The following CCDC7 variants were observed in gnomAD, a reference collection of about 807,000 sequenced individuals.
The protein encoded by CCDC7 is coiled-coil domain-containing protein 7.
In CCDC7, 183 loss-of-function variants were observed where a neutral mutation model predicts 196.9. The observed-to-expected ratio is 0.93, with a 90% CI of 0.82 to 1.05. CCDC7 has a LOEUF of 1.05. Among genes scored for constraint, CCDC7 ranks in the 50% least tolerant of loss-of-function variants. The probability of loss-of-function intolerance (pLI) is 0.00; values close to 1 mark genes in which losing one functional copy is unlikely to be tolerated. For missense variants in CCDC7, 1,540 were observed against 1,482.2 expected (o/e 1.04, Z -0.64); for synonymous variants, 525 against 484.6 (o/e 1.08, Z -1.10).
At chr10:32,597,423 A>C (rs61698001) in intron 18 of CCDC7, among the ~76,000 whole-genome samples, 7,854 of 151,714 alleles carry the variant, frequency 0.052, 669 homozygotes, top group African/African-American at 0.18. Flanking sequence ...CCATTCGTCT[A>C]CTCTTTTTTC....
chr10:32,765,404 C>T (rs1431478586), intron 28 of CCDC7, among the ~76,000 whole-genome samples: 2 of 151,940 alleles, frequency 1.3e-5, no homozygotes, highest in Non-Finnish European at 2.9e-5. Flanking sequence ...ATCTGTCTCA[C>T]AGTGGATCCA....
intron 8 of CCDC7, among the ~76,000 whole-genome samples, chr10:32,488,071 C>T (rs189153742): frequency 8.2e-4 from 125 of 152,340 alleles, no homozygotes; most frequent in African/African-American, 2.7e-3. Flanking sequence ...TGGCAATGGC[C>T]TGCCCTCAGA....
At position 32,707,307 on chromosome 10, in the gene CCDC7, G is replaced by C. The variant is rs141844227; in HGVS notation, c.2459-4313G>C. Among the ~76,000 whole-genome samples, 747 of 152,314 alleles carry C rather than the reference G, an allele frequency of 4.9e-3. 5 individuals are homozygous for C. The highest frequency in any genetic ancestry group is 0.017 in the African/African-American group (711 of 41,560). On this transcript the variant is annotated intron_variant, in intron 24 of 41. Transcript: ENST00000639629. ...AAAGACTCTCAATAAATTAGGTACTGATGGGACGTATCTCAAAATAGTAAG... is the reference window on the plus strand; with the variant it reads ...AAAGACTCTCAATAAATTAGGTACTCATGGGACGTATCTCAAAATAGTAAG...
chr10:32,564,798 A>T (rs1023899098), intron 13 of CCDC7, among the ~76,000 whole-genome samples: 2 of 151,928 alleles, frequency 1.3e-5, no homozygotes, highest in Non-Finnish European at 2.9e-5. Flanking sequence ...AACTTAAAGT[A>T]TAAAAAAAAA....
chr10:32,688,908 C>A, intron 22 of CCDC7, 145 bp from the exon 24 acceptor site: 2 of 599,788 alleles, frequency 3.3e-6, no homozygotes, highest in Admixed American at 3.4e-5. Flanking sequence ...TCACCATTTT[C>A]ATAGTAGATA....
chr10:32,844,919 A>G (rs1306075142), intron 33 of CCDC7, among the ~76,000 whole-genome samples: 1 of 151,812 alleles, frequency 6.6e-6, no homozygotes, highest in Non-Finnish European at 1.5e-5. Context: ...TATAAAATAT[A>G]TTGAAATCTG....
intron 28 of CCDC7, among the ~76,000 whole-genome samples, chr10:32,742,557 T>C (rs920705632): frequency 1.1e-4 from 17 of 152,196 alleles, no homozygotes; most frequent in Non-Finnish European, 1.0e-4. Flanking sequence ...ATGATTTTGC[T>C]TTTTTCAGAA....
intron 21 of CCDC7, among the ~76,000 whole-genome samples, chr10:32,683,957 C>G (rs954846136): frequency 6.6e-6 from 1 of 152,206 alleles, no homozygotes; most frequent in African/African-American, 2.4e-5. Context: ...GAGCTCTATA[C>G]TGTCTCTCTA....
intron 30 of CCDC7, among the ~76,000 whole-genome samples, chr10:32,807,150 C>T (rs1466701331): frequency 2.0e-5 from 3 of 152,028 alleles, no homozygotes; most frequent in African/African-American, 7.2e-5. Context: ...AACCATTGAC[C>T]TCTGACACTA....
chr10:32,779,211 C>T (rs1307813008), intron 29 of CCDC7, 127 bp downstream of exon 30: 2 of 653,214 alleles, frequency 3.1e-6, no homozygotes, highest in African/African-American at 3.7e-5. Flanking sequence ...TAAGTTCATT[C>T]TACTCAATCA....
intron 18 of CCDC7, among the ~76,000 whole-genome samples, chr10:32,584,821 C>G (rs1195358504): frequency 7.2e-6 from 1 of 139,506 alleles, no homozygotes; most frequent in Non-Finnish European, 1.5e-5. Flanking sequence ...TCTATTTTAA[C>G]TAAGATCTGT....
At chr10:32,474,061 A>G (rs1454819691) in intron 8 of CCDC7, 38 bp downstream of exon 9, 2 of 1,586,182 alleles carry the variant, frequency 1.3e-6, no homozygotes, top group Non-Finnish European at 1.7e-6. Context: ...TGTGATAATA[A>G]CCTCTGTTAC....
intron 18 of CCDC7, among the ~76,000 whole-genome samples, chr10:32,585,346 T>C (rs2059161031): frequency 6.6e-6 from 1 of 152,204 alleles, no homozygotes; most frequent in Non-Finnish European, 1.5e-5. Context: ...GTGCTGGGAT[T>C]ACAGGCGTGA....
At chr10:32,809,733 T>G (rs996466665) in intron 30 of CCDC7, among the ~76,000 whole-genome samples, 6 of 152,162 alleles carry the variant, frequency 3.9e-5, no homozygotes, top group Admixed American at 1.3e-4. Flanking sequence ...AAACAACAGA[T>G]GCTGGAGAGG....
intron 28 of CCDC7, among the ~76,000 whole-genome samples, chr10:32,770,175 T>TAAA (rs1317626284): frequency 6.6e-6 from 1 of 152,186 alleles, no homozygotes; most frequent in Non-Finnish European, 1.5e-5. Context: ...TTTGGTTTGT[T>TAAA]CTTGTGTTTC....
intron 22 of CCDC7, 79 bp downstream of exon 23, chr10:32,686,159 C>A: frequency 2.9e-6 from 2 of 691,170 alleles, no homozygotes; most frequent in Non-Finnish European, 4.6e-6. Context: ...GTTCATGAAT[C>A]TTGAATTTAC....
intron 21 of CCDC7, among the ~76,000 whole-genome samples, chr10:32,682,471 G>A (rs1279839576): frequency 6.6e-6 from 1 of 152,190 alleles, no homozygotes; most frequent in Non-Finnish European, 1.5e-5. Flanking sequence ...GCACATGCAT[G>A]TGTCTTTATG....
chr10:32,634,634 A>G (rs776042460), intron 19 of CCDC7, among the ~76,000 whole-genome samples: 2 of 152,136 alleles, frequency 1.3e-5, no homozygotes, highest in Non-Finnish European at 2.9e-5. Context: ...TGACCTCGTG[A>G]TCCACCCACC....
chr10:32,707,556 G>T (rs1170559643), intron 24 of CCDC7, among the ~76,000 whole-genome samples: 1 of 152,184 alleles, frequency 6.6e-6, no homozygotes, highest in Non-Finnish European at 1.5e-5. Context: ...TGACATGATT[G>T]TATATTTATA....
Sources: gnomAD v4.1 joint callset for allele counts (sites outside exome capture counted in the v4.1 genomes callset) on GRCh38, gnomAD v4.1.1 for gene constraint, MANE v1.5 for transcripts, NCBI Gene and HGNC (gene_info 2026-07-23, HGNC 2026-07-21) for gene names.